The following CLYBL variants were observed in gnomAD, a reference collection of about 807,000 sequenced individuals.
CLYBL encodes the protein citramalyl-CoA lyase, mitochondrial.
A neutral mutation model predicts 38.9 loss-of-function variants in CLYBL; 31 were observed. The ratio of observed to expected loss-of-function variants is 0.80; its 90% CI spans 0.60 to 1.08. CLYBL has a LOEUF of 1.08. Ranked by LOEUF, CLYBL falls within the 50% of genes least tolerant of loss-of-function variation. The pLI, the probability that CLYBL is intolerant of heterozygous loss-of-function variation, is 0.00. For synonymous variants in CLYBL, 171 were observed against 158.6 expected (o/e 1.08, Z -0.59); for missense variants, 434 against 411.6 (o/e 1.05, Z -0.47).
chr13:99,750,683 A>G (rs1250120682), intron 1 of CLYBL, among the ~76,000 whole-genome samples: 5 of 151,430 alleles, frequency 3.3e-5, no homozygotes, highest in Non-Finnish European at 7.4e-5. Context: ...CAAAAAAAAA[A>G]AAAAGAAAGA....
intron 6 of CLYBL, 116 bp downstream of exon 6, chr13:99,866,523 T>C (rs1023960306): frequency 1.2e-6 from 1 of 822,502 alleles, no homozygotes; most frequent in Non-Finnish European, 1.8e-6. Context: ...TACTCCACTA[T>C]TTGAAATATG....
At chr13:99,880,291 C>G (rs999222632) in intron 7 of CLYBL, among the ~76,000 whole-genome samples, 1 of 151,940 alleles carries the variant, frequency 6.6e-6, no homozygotes, top group Non-Finnish European at 1.5e-5. Context: ...TCTCGAACTC[C>G]TGACCTCAAG....
intron 1 of CLYBL, among the ~76,000 whole-genome samples, chr13:99,670,951 T>C (rs773689998): frequency 2.6e-5 from 4 of 152,202 alleles, no homozygotes; most frequent in South Asian, 2.1e-4. Flanking sequence ...CCCTCCTCCT[T>C]ACTGTGGCCA....
At chr13:99,792,477 G>C (rs1449980037) in intron 2 of CLYBL, among the ~76,000 whole-genome samples, 1 of 152,188 alleles carries the variant, frequency 6.6e-6, no homozygotes, top group African/African-American at 2.4e-5. Context: ...GGACAACCAG[G>C]AGGGCCGCCT....
At chr13:99,837,452 G>C (rs915019646) in intron 2 of CLYBL, among the ~76,000 whole-genome samples, 2 of 151,886 alleles carry the variant, frequency 1.3e-5, no homozygotes, top group Non-Finnish European at 2.9e-5. Context: ...ACCCTGTCTC[G>C]AAAATAAAAT....
intron 1 of CLYBL, among the ~76,000 whole-genome samples, chr13:99,682,081 C>G (rs1384010475): frequency 1.3e-5 from 2 of 152,134 alleles, no homozygotes; most frequent in Non-Finnish European, 2.9e-5. Context: ...TGACATAAAC[C>G]TACACAACAT....
At chr13:99,864,213 C>T (rs11841929) in intron 4 of CLYBL, among the ~76,000 whole-genome samples, 365 of 152,326 alleles carry the variant, frequency 2.4e-3, no homozygotes, top group African/African-American at 8.5e-3. Context: ...TTCCCACCCA[C>T]GTATATTATT....
intron 2 of CLYBL, among the ~76,000 whole-genome samples, chr13:99,817,860 C>G (rs922788387): frequency 6.6e-6 from 1 of 151,754 alleles, no homozygotes; most frequent in African/African-American, 2.4e-5. Context: ...TAAAATTAGT[C>G]GGGCGTGGTG....
chr13:99,778,905 CTATTTAAG>C (rs780239518), intron 2 of CLYBL, among the ~76,000 whole-genome samples: 143 of 152,250 alleles, frequency 9.4e-4, no homozygotes, highest in Middle Eastern at 3.4e-3. Flanking sequence ...AATTTATTTA[CTATTTAAG>C]TATTTAAGTA....
intron 2 of CLYBL, among the ~76,000 whole-genome samples, chr13:99,788,590 G>T (rs2049849066): frequency 6.6e-6 from 1 of 152,166 alleles, no homozygotes; most frequent in African/African-American, 2.4e-5. Flanking sequence ...TGTGCTGCTG[G>T]ATTCAGTTTG....
chr13:99,866,581 T>C (rs2051750863), intron 6 of CLYBL, among the ~76,000 whole-genome samples, 174 bp downstream of exon 6: 1 of 151,964 alleles, frequency 6.6e-6, no homozygotes, highest in Admixed American at 6.5e-5. Flanking sequence ...GTCATGGTTT[T>C]CCTTGGCCCT....
chr13:99,776,850 T>G (rs2049528207), intron 2 of CLYBL, among the ~76,000 whole-genome samples: 1 of 151,942 alleles, frequency 6.6e-6, no homozygotes, highest in Non-Finnish European at 1.5e-5. Context: ...GTAAGGAAAT[T>G]GAAGCACAGA....
chr13:99,820,307 G>A (rs892842187), intron 2 of CLYBL, among the ~76,000 whole-genome samples: 5 of 152,148 alleles, frequency 3.3e-5, no homozygotes, highest in African/African-American at 4.8e-5. Context: ...CTGCACTCCC[G>A]TGCACTCACA....
At chr13:99,796,693 C>T (rs533567016) in intron 2 of CLYBL, among the ~76,000 whole-genome samples, 1 of 152,336 alleles carries the variant, frequency 6.6e-6, no homozygotes, top group East Asian at 1.9e-4. Flanking sequence ...CAGAGCCACA[C>T]AAAACCTCCT....
chr13:99,872,491 C>CT (rs2051931998), intron 7 of CLYBL, among the ~76,000 whole-genome samples: 1 of 152,198 alleles, frequency 6.6e-6, no homozygotes, highest in African/African-American at 2.4e-5. Flanking sequence ...CATCCATCCC[C>CT]TTCCCTTGCA....
intron 1 of CLYBL, among the ~76,000 whole-genome samples, chr13:99,680,109 T>G (rs1440423382): frequency 6.6e-6 from 1 of 152,236 alleles, no homozygotes; most frequent in African/African-American, 2.4e-5. Flanking sequence ...CAGTTTAAAG[T>G]TGGCCTACTA....
At chr13:99,674,277 G>A (rs1435995734) in intron 1 of CLYBL, among the ~76,000 whole-genome samples, 1 of 148,976 alleles carries the variant, frequency 6.7e-6, no homozygotes, top group East Asian at 2.0e-4. Flanking sequence ...TTAGTCTCCT[G>A]AGTAGCTGGG....
In CLYBL at chr13:99,719,756, C is replaced by T. The variant is rs117107257; in HGVS notation, c.63-53068C>T. Among the ~76,000 whole-genome samples the T allele has an allele frequency of 9.1e-3, 1,380 of 152,184 alleles. 16 individuals are homozygous for T. The highest frequency in any genetic ancestry group is 0.013 in the Non-Finnish European group (877 of 67,998). ...CTCCTGACCTCAGACAAGCCACCCACCTCAGCCCCACAAAGTGCTGGGATT... is the reference window on the plus strand; with the variant it reads ...CTCCTGACCTCAGACAAGCCACCCATCTCAGCCCCACAAAGTGCTGGGATT... On this transcript the variant is annotated intron_variant, in intron 1 of 8. Transcript: ENST00000339105.
chr13:99,742,603 A>G (rs765443697), intron 1 of CLYBL, among the ~76,000 whole-genome samples: 2 of 152,230 alleles, frequency 1.3e-5, no homozygotes, highest in Non-Finnish European at 2.9e-5. Context: ...AAGATGATTT[A>G]AGTAAATCAC....
Sources: allele counts gnomAD v4.1 joint callset (sites outside exome capture counted in the v4.1 genomes callset), GRCh38; gene constraint gnomAD v4.1.1; transcripts MANE v1.5; gene names NCBI Gene and HGNC (gene_info 2026-07-23, HGNC 2026-07-21).